The following KCNJ18 variants were observed in gnomAD, a reference collection of about 807,000 sequenced individuals.
The protein encoded by KCNJ18 is inward rectifier potassium channel 18.
Under a neutral mutation model 17.3 loss-of-function variants are expected in KCNJ18, and 16 were observed. The observed-to-expected ratio is 0.92, with a 90% CI of 0.62 to 1.40. The LOEUF is 1.40. Among genes scored for constraint, KCNJ18 ranks in the 40% most tolerant of loss-of-function variants. The probability of loss-of-function intolerance (pLI) is 0.00; values close to 1 mark genes in which losing one functional copy is unlikely to be tolerated. For synonymous variants in KCNJ18, 185 were observed against 262.6 expected (o/e 0.70, Z 2.86); for missense variants, 462 against 626.8 (o/e 0.74, Z 2.81).
chr17:21,699,957 G>A (rs1227979291), intron 2 of KCNJ18, among the ~76,000 whole-genome samples: 6 of 152,290 alleles, frequency 3.9e-5, no homozygotes, highest in African/African-American at 1.4e-4. Flanking sequence ...AGTCCCTCAA[G>A]GCCCCTGGGC....
chr17:21,692,887 T>G (rs1398276324), intron 1 of KCNJ18, among the ~76,000 whole-genome samples, 173 bp downstream of exon 1: 1 of 152,308 alleles, frequency 6.6e-6, no homozygotes, highest in African/African-American at 2.4e-5. Context: ...TGGCACACCC[T>G]CTGAGAGGCC....
chr17:21,695,722 C>T (rs1905739427), intron 1 of KCNJ18, among the ~76,000 whole-genome samples: 1 of 152,306 alleles, frequency 6.6e-6, no homozygotes, highest in South Asian at 2.1e-4. Flanking sequence ...TAGTGTCTGG[C>T]ATGCAATAGG....
rs1906060295 is a variant in KCNJ18, at chr17:21,703,720, G to A, written c.934G>A (p.Ala312Thr). ...MVEATAMTTQ[A>T]RSSYLANEIL... ...GGAGGCCACAGCCATGACCACCCAG[G>A]CCCGCAGCTCCTACCTGGCCAATGA... is the stretch of plus-strand genomic sequence containing the variant. The change falls in exon 3 of 3, where the codon GCC becomes ACC. Residue 312 changes from alanine (A) to threonine (T), a missense_variant. Around this residue, in one of 5 missense-constraint regions of KCNJ18, gnomAD observed 20 missense variants for 61.7 expected, o/e 0.32. Transcript: ENST00000567955. 2.5e-5 allele frequency: 40 copies of A among 1,596,142 alleles called. No individual in the cohort carries two copies. Among genetic ancestry groups the A allele is most frequent in the Non-Finnish European group, 3.4e-5 (40 of 1,171,190 alleles).
At position 21,703,937 on chromosome 17, in the gene KCNJ18, T is replaced by G. The variant is rs1189952625; in HGVS notation, c.1151T>G (p.Leu384Arg). 9.9e-6 allele frequency: 16 copies of G among 1,610,542 alleles called. No individual in the cohort carries two copies. Among genetic ancestry groups the G allele is most frequent in the African/African-American group, 1.3e-5 (1 of 74,904 alleles). The change falls in exon 3 of 3, where the codon CTG (leucine) becomes CGG (arginine). Residue 384 changes from leucine (L) to arginine (R), a missense_variant. By Grantham distance (102) the Leu-to-Arg change is moderately radical (BLOSUM62 -2). Around this residue, in one of 5 missense-constraint regions of KCNJ18, gnomAD observed 123 missense variants for 117.5 expected, o/e 1.05. Transcript: ENST00000567955. Reference protein sequence around the residue: ...SFCYENELAFLSRDEEDEADG... With the variant: ...SFCYENELAFRSRDEEDEADG... ...TGCTATGAGAACGAGCTGGCCTTCC[T>G]GAGCCGTGACGAGGAGGATGAGGCG...
At chr17:21,699,564 T>C (rs1905870637) in intron 2 of KCNJ18, among the ~76,000 whole-genome samples, 1 of 152,262 alleles carries the variant, frequency 6.6e-6, no homozygotes, top group Admixed American at 6.5e-5. Context: ...GGGCTCCAAC[T>C]CTCTCTTCTG....
intron 2 of KCNJ18, among the ~76,000 whole-genome samples, chr17:21,701,575 G>T (rs1266824862): frequency 2.6e-5 from 4 of 152,212 alleles, no homozygotes; most frequent in African/African-American, 9.7e-5. Flanking sequence ...TTCAAAGTGG[G>T]TGGCGACAGG....
At chr17:21,697,744 A>C (rs2142268401) in intron 2 of KCNJ18, among the ~76,000 whole-genome samples, 1 of 152,428 alleles carries the variant, frequency 6.6e-6, no homozygotes, top group South Asian at 2.1e-4. Flanking sequence ...GAGCAAGGGC[A>C]CCACTGGCTC....
chr17:21,694,480 C>A lies in KCNJ18; in HGVS notation c.-178-1503C>A, dbSNP rs1905695577. Among the ~76,000 whole-genome samples, 4 of 152,272 alleles carry A rather than the reference C, an allele frequency of 2.6e-5. No individual in the cohort carries two copies. The South Asian group carries it at 6.2e-4, about 24-fold the overall frequency. ...ATGTGTGCCCATCCATGTAGTTAGC[C>A]ATGTGCCCACCTGCTCATCCATCTA... On this transcript the variant is annotated intron_variant, in intron 1 of 2. Transcript: ENST00000567955.
intron 1 of KCNJ18, among the ~76,000 whole-genome samples, chr17:21,695,750 C>G (rs1229750209): frequency 6.6e-4 from 100 of 152,416 alleles, no homozygotes; most frequent in Non-Finnish European, 1.2e-3. Context: ...TAATTGTCAG[C>G]GGTCATTTTT....
In KCNJ18 at chr17:21,702,727, C is replaced by T. The variant is rs1309543491; in HGVS notation, c.-56-4C>T. 9 of 1,474,244 alleles carry T rather than the reference C, an allele frequency of 6.1e-6. No individual in the cohort carries two copies. The highest frequency in any genetic ancestry group is 7.3e-6 in the Non-Finnish European group (8 of 1,096,434). 91.3% of individuals were successfully genotyped at this position (1,474,244 alleles called of 1,614,324 possible). A position where few individuals can be genotyped will look rare whatever the true frequency, so the allele number is the denominator to read the frequency against. ...AGCCAGACATGCTGTCCTCTCTGTTCCAGGAGCCGCCCTGCCTGGAGCTAG... is the reference window on the plus strand; with the variant it reads ...AGCCAGACATGCTGTCCTCTCTGTTTCAGGAGCCGCCCTGCCTGGAGCTAG... On this transcript the variant is annotated splice_region_variant and splice_polypyrimidine_tract_variant and intron_variant, in intron 2 of 2. Transcript: ENST00000567955.
At chr17:21,695,441 TCATCCATCCATCCTTC>T (rs1427354777) in intron 1 of KCNJ18, among the ~76,000 whole-genome samples, 154 of 76,404 alleles carry the variant, frequency 2.0e-3, no homozygotes, top group African/African-American at 4.9e-3. Flanking sequence ...CACCTATCCA[TCATCCATCCATCCTTC>T]CATCCATCCA....
intron 1 of KCNJ18, among the ~76,000 whole-genome samples, chr17:21,694,985 A>G (rs1422442926): frequency 2.0e-5 from 3 of 150,074 alleles, no homozygotes; most frequent in Admixed American, 1.3e-4. Context: ...CCATCCATCC[A>G]TCCCATTCGT....
rs1906052593 is a variant in KCNJ18, at chr17:21,703,566, C to A, written c.780C>A (p.Asp260Glu). 1.8e-5 allele frequency: 29 copies of A among 1,612,512 alleles called. No homozygotes were observed. In the Admixed American group the frequency reaches 4.8e-4, roughly 27 times the overall value. The change falls in exon 3 of 3, where the codon GAC becomes GAA. Residue 260 changes from aspartate (D) to glutamate (E), a missense_variant. Physicochemically the swap from Asp to Glu is conservative, Grantham distance 45 (BLOSUM62 2). Coordinates refer to ENST00000567955, the MANE Select transcript of KCNJ18 (RefSeq NM_001194958.2). ...ATGTGGGCTTCGACAAGGGCCTGGACCGCATCTTTCTGGTGTCGCCCATCA... is the reference window on the plus strand; with the variant it reads ...ATGTGGGCTTCGACAAGGGCCTGGAACGCATCTTTCTGGTGTCGCCCATCA... ...DIDVGFDKGLDRIFLVSPITI... is the reference protein window; with the variant it reads ...DIDVGFDKGLERIFLVSPITI...
chr17:21,702,733 G>A lies in KCNJ18; in HGVS notation c.-54G>A. On this transcript the variant is annotated splice_region_variant and 5_prime_UTR_variant, in exon 3 of 3. Coordinates refer to ENST00000567955, the MANE Select transcript of KCNJ18 (RefSeq NM_001194958.2). ...ACATGCTGTCCTCTCTGTTCCAGGA[G>A]CCGCCCTGCCTGGAGCTAGCCTGGG... The A allele has an allele frequency of 6.5e-7, 1 of 1,529,564 alleles. No homozygotes were observed. The allele number at this position is 1,529,564 out of a possible 1,614,324, so 94.7% of individuals were successfully genotyped here.
At position 21,704,300 on chromosome 17, in the gene KCNJ18, C is replaced by T. The variant is rs1906091256; in HGVS notation, c.*212C>T. The T allele has an allele frequency of 1.6e-6, 1 of 629,876 alleles. No individual in the cohort carries two copies. The highest frequency in any genetic ancestry group is 2.7e-6 in the Non-Finnish European group (1 of 374,984). 39.0% of individuals were successfully genotyped at this position (629,876 alleles called of 1,614,324 possible). ...CAGCCCCCGGCCTCAGAGGCTATCACAGGCTCAGGGCAAAGAAGTGGCCTC... is the reference window on the plus strand; with the variant it reads ...CAGCCCCCGGCCTCAGAGGCTATCATAGGCTCAGGGCAAAGAAGTGGCCTC... On this transcript the variant is annotated 3_prime_UTR_variant, in exon 3 of 3. Transcript: ENST00000567955.
At position 21,704,050 on chromosome 17, in the gene KCNJ18, C is replaced by A; in HGVS notation, c.1264C>A (p.Leu422Met). The change falls in exon 3 of 3, where the codon CTG becomes ATG. Residue 422 changes from leucine to methionine, a missense_variant. By Grantham distance (15) the Leu-to-Met change is conservative. Coordinates refer to ENST00000567955, the MANE Select transcript of KCNJ18 (RefSeq NM_001194958.2). ...FDRLQAGGGV[L>M]EQRPYRRGSE... ...CAGACTCCAGGCTGGCGGCGGGGTC[C>A]TGGAGCAGCGGCCCTACAGACGGGG... 6.4e-7 allele frequency: 1 copy of A among 1,565,310 alleles called. No individual in the cohort carries two copies. The highest frequency in any genetic ancestry group is 2.3e-5 in the East Asian group (1 of 43,938).
intron 1 of KCNJ18, among the ~76,000 whole-genome samples, chr17:21,692,937 G>A (rs1256137830): frequency 2.0e-5 from 3 of 152,310 alleles, no homozygotes; most frequent in Non-Finnish European, 4.4e-5. Flanking sequence ...GGGAAGCTGA[G>A]CCTCAGGAAG....
At chr17:21,698,957 C>T (rs1248932193) in intron 2 of KCNJ18, among the ~76,000 whole-genome samples, 15 of 152,228 alleles carry the variant, frequency 9.9e-5, no homozygotes, top group Admixed American at 5.9e-4. Flanking sequence ...TGTACCCCAG[C>T]GCCCCTCTCC....
At chr17:21,695,136 C>T (rs1478729706) in intron 1 of KCNJ18, among the ~76,000 whole-genome samples, 2 of 152,276 alleles carry the variant, frequency 1.3e-5, no homozygotes, top group African/African-American at 2.4e-5. Flanking sequence ...TTCATCCATC[C>T]ATCCAATCAT....
Sources: allele counts gnomAD v4.1 joint callset (sites outside exome capture counted in the v4.1 genomes callset), GRCh38; gene constraint gnomAD v4.1.1; regional missense constraint gnomAD v4.1.1; transcripts MANE v1.5; gene names NCBI Gene and HGNC (gene_info 2026-07-23, HGNC 2026-07-21).